The following ANAPC11 variants were observed in gnomAD, a reference collection of about 807,000 sequenced individuals.
ANAPC11 encodes the protein anaphase-promoting complex subunit 11.
A neutral mutation model predicts 11.8 loss-of-function variants in ANAPC11; 5 were observed. The observed-to-expected ratio is 0.42, with a 90% CI of 0.22 to 0.89. The LOEUF (loss-of-function observed/expected upper bound fraction) is 0.89, where lower values mean the gene tolerates loss of function less well. ANAPC11 is among the 40% of genes least tolerant of loss of function. The probability of loss-of-function intolerance (pLI) is 0.28; values close to 1 mark genes in which losing one functional copy is unlikely to be tolerated. For synonymous variants in ANAPC11, 45 were observed against 41.0 expected, an observed-to-expected ratio of 1.10 and a Z score of -0.38; for missense variants, 68 against 112.9, an observed-to-expected ratio of 0.60 and a Z score of 1.80.
At chr17:81,892,924 CT>C (rs1167996563) in intron 1 of ANAPC11, among the ~76,000 whole-genome samples, 1 of 151,982 alleles carries the variant, frequency 6.6e-6, no homozygotes, top group Non-Finnish European at 1.5e-5. Context: ...GTGGTGTGAT[CT>C]TGGCTCACTG....
chr17:81,897,256 C>T (rs1210832137), intron 3 of ANAPC11, among the ~76,000 whole-genome samples: 1 of 152,200 alleles, frequency 6.6e-6, no homozygotes, highest in Admixed American at 6.5e-5. Context: ...ACCTCAGCCT[C>T]CCAAAGTGCT....
At chr17:81,894,432 CAATT>C in intron 2 of ANAPC11, 31 bp from the exon 3 acceptor site, 1 of 1,337,006 alleles carries the variant, frequency 7.5e-7, no homozygotes, top group Middle Eastern at 1.8e-4. Context: ...TCTGCAGACT[CAATT>C]TAGCCAGTCG....
chr17:81,890,985 G>T, upstream of ANAPC11: 1 of 1,058,626 alleles, frequency 9.4e-7, no homozygotes, highest in Non-Finnish European at 1.3e-6. Context: ...GCCCGAGGCC[G>T]CACGGTCCCA....
At chr17:81,891,657 G>T, upstream of ANAPC11, 1 of 1,242,638 alleles carries the variant, frequency 8.0e-7, no homozygotes, top group Non-Finnish European at 1.0e-6. Context: ...CACGGCCTCG[G>T]AGCGGCTGCT....
chr17:81,896,798 CTTTTTTTTTTTTTTTTTTTTTTTTT>C (rs1156391578), intron 3 of ANAPC11, among the ~76,000 whole-genome samples: 1 of 42,878 alleles, frequency 2.3e-5, no homozygotes, highest in Non-Finnish European at 3.8e-5. Flanking sequence ...GCCTCCTTTG[CTTTTTTTTTTTTTTTTTTTTTTTTT>C]TTTTTTTGAG....
chr17:81,890,997 C>T (rs1317832368), upstream of ANAPC11: 7 of 941,410 alleles, frequency 7.4e-6, no homozygotes, highest in Middle Eastern at 3.2e-4. Context: ...ACGGTCCCAC[C>T]GCGGCCGCAC....
chr17:81,897,981 A>G (rs2039799859), intron 3 of ANAPC11: 1 of 152,136 alleles, frequency 6.6e-6, no homozygotes, highest in African/African-American at 2.4e-5. Flanking sequence ...AAATCTCATC[A>G]CTCAGGAATT....
At chr17:81,892,545 G>GAC (rs1344742172) in intron 1 of ANAPC11, among the ~76,000 whole-genome samples, 24 of 137,962 alleles carry the variant, frequency 1.7e-4, no homozygotes, top group African/African-American at 7.2e-4. Flanking sequence ...TTTTTTTTGA[G>GAC]GCAGTCTCAT....
At chr17:81,892,327 G>A (rs1269716626) in intron 1 of ANAPC11, among the ~76,000 whole-genome samples, 1 of 151,722 alleles carries the variant, frequency 6.6e-6, no homozygotes, top group Non-Finnish European at 1.5e-5. Context: ...AAATGAGCTG[G>A]GCATGGTGGT....
At chr17:81,892,757 AGAT>A (rs568788778) in intron 1 of ANAPC11, among the ~76,000 whole-genome samples, 16 of 151,884 alleles carry the variant, frequency 1.1e-4, no homozygotes, top group Non-Finnish European at 2.1e-4. Context: ...TCCTGACCTC[AGAT>A]GATCCGCCCG....
In ANAPC11 at chr17:81,894,553, T is replaced by C. The variant is rs1039260534; in HGVS notation, c.76T>C (p.Cys26Arg). The C allele has an allele frequency of 1.2e-6, 2 of 1,612,324 alleles. No homozygotes were observed. The highest frequency in any genetic ancestry group is 1.7e-6 in the Non-Finnish European group (2 of 1,178,846). The change falls in exon 3 of 4, where the codon TGC becomes CGC. Residue 26 changes from cysteine to arginine, a missense_variant. Cys to Arg is a radical substitution (Grantham distance 180). Coordinates refer to ENST00000344877, the MANE Select transcript of ANAPC11 (RefSeq NM_001002248.3). ...GGCCAACGATGAGAACTGTGGCATC[T>C]GCAGGATGGCATTTAACGGATGCTG... ...WVANDENCGICRMAFNGCCPD... is the reference protein window; with the variant it reads ...WVANDENCGIRRMAFNGCCPD...
chr17:81,899,869 T>C lies in ANAPC11; in HGVS notation c.110-51T>C, dbSNP rs376066902. 77 of 1,563,214 alleles carry C rather than the reference T, an allele frequency of 4.9e-5. 2 individuals carry two copies. In the African/African-American group the frequency reaches 8.8e-4, roughly 18 times the overall value. ...CACCCCTGCCTGGCTTGTCACATGC[T>C]CTGTGTCCAGCCTGGTCATGCCTGT... On this transcript the variant is annotated intron_variant, in intron 3 of 3. Transcript: ENST00000344877.
intron 3 of ANAPC11, 76 bp from the exon 4 acceptor site, chr17:81,899,844 C>T: frequency 6.9e-7 from 1 of 1,449,806 alleles, no homozygotes; most frequent in Non-Finnish European, 9.4e-7. Flanking sequence ...TCCCTACCTG[C>T]ACCCCTGCCT....
rs368131444 is a variant in ANAPC11, at chr17:81,894,417, C to G, written c.-11-50C>G. 395 of 1,153,972 alleles carry G rather than the reference C, an allele frequency of 3.4e-4. 6 individuals carry two copies. The South Asian group carries it at 4.8e-3, about 14-fold the overall frequency. 71.5% of individuals were successfully genotyped at this position (1,153,972 alleles called of 1,614,324 possible). A position where few individuals can be genotyped will look rare whatever the true frequency, so the allele number is the denominator to read the frequency against. ...ATACCTGTGTTGGTGCCTAAACGTT[C>G]TAGCTCTGCAGACTCAATTTAGCCA... is the stretch of plus-strand genomic sequence containing the variant. On this transcript the variant is annotated intron_variant, in intron 2 of 3. Transcript: ENST00000344877.
At chr17:81,891,582 G>C (rs1052702910), upstream of ANAPC11, 6 of 1,427,290 alleles carry the variant, frequency 4.2e-6, no homozygotes, top group South Asian at 2.6e-5. Flanking sequence ...ATCGGGCATC[G>C]GCTCGAGCCC....
At position 81,894,549 on chromosome 17, in the gene ANAPC11, C is replaced by T. The variant is rs1013077745; in HGVS notation, c.72C>T (p.Gly24=). 2.1e-5 allele frequency: 34 copies of T among 1,612,258 alleles called. No homozygotes were observed. The highest frequency in any genetic ancestry group is 1.6e-4 in the Middle Eastern group (1 of 6,080). The stretch of plus-strand genomic sequence containing the variant: ...GGGTGGCCAACGATGAGAACTGTGG[C>T]ATCTGCAGGATGGCATTTAACGGAT... ...WLWVANDENC[G]ICRMAFNGCC... The change falls in exon 3 of 4, where the codon GGC becomes GGT. Residue 24 remains glycine, a synonymous_variant. Coordinates refer to ENST00000344877, the MANE Select transcript of ANAPC11 (RefSeq NM_001002248.3).
rs527949939 is a variant in ANAPC11 at position 81,892,643 on chromosome 17, C to G, written c.-75+802C>G. Among the ~76,000 whole-genome samples the G allele has an allele frequency of 7.7e-4, 115 of 149,492 alleles. 5 individuals carry two copies. The highest frequency in any genetic ancestry group is 2.8e-3 in the African/African-American group (114 of 40,134). On this transcript the variant is annotated intron_variant, in intron 1 of 3. Coordinates refer to ENST00000344877, the MANE Select transcript of ANAPC11 (RefSeq NM_001002248.3). The stretch of plus-strand genomic sequence containing the variant: ...GTTCAAGCGAGTCTCCAGCGGCAGC[C>G]TCCCGAGTAGCTGGGACTACAGGCA...
At chr17:81,895,041 C>CTTTCT (rs2039688412) in intron 3 of ANAPC11, among the ~76,000 whole-genome samples, 1 of 136,412 alleles carries the variant, frequency 7.3e-6, no homozygotes, top group Non-Finnish European at 1.6e-5. Context: ...TCTTTTCTTT[C>CTTTCT]TTTCTTTTCT....
At chr17:81,898,883 C>T (rs1296496223) in intron 3 of ANAPC11, 7 of 302,222 alleles carry the variant, frequency 2.3e-5, no homozygotes, top group Non-Finnish European at 6.2e-6. Context: ...TTTGACTAAA[C>T]GAGGCCTCCC....
Sources: allele counts gnomAD v4.1 joint callset (sites outside exome capture counted in the v4.1 genomes callset), GRCh38; gene constraint gnomAD v4.1.1; transcripts MANE v1.5; gene names NCBI Gene and HGNC (gene_info 2026-07-23, HGNC 2026-07-21).